DSE: variants seen among roughly 807,000 people sequenced by gnomAD.
The protein encoded by DSE is dermatan sulfate epimerase.
Under a neutral mutation model 84.4 loss-of-function variants are expected in DSE, and 36 were observed. The ratio of observed to expected loss-of-function variants is 0.43; its 90% CI spans 0.33 to 0.56. The LOEUF (loss-of-function observed/expected upper bound fraction) is 0.56. DSE is among the 20% of genes least tolerant of loss of function. The pLI, the probability that DSE is intolerant of heterozygous loss-of-function variation, is 0.06. For synonymous variants in DSE, 410 were observed against 430.1 expected, an observed-to-expected ratio of 0.95 and a Z score of 0.58; for missense variants, 862 against 1,169.6, an observed-to-expected ratio of 0.74 and a Z score of 3.84.
In DSE at chr6:116,444,696, C is replaced by G. The variant is rs1784529983; in HGVS notation, c.*7351C>G. On this transcript the variant is annotated 3_prime_UTR_variant, in exon 6 of 6. Transcript: ENST00000644252. ...GAGTAGTATCCTTATAAAAGATACC[C>G]CAGAGAGGTCCCTTGTCCCTTCCAA... The G allele has an allele frequency of 6.6e-6, 1 of 152,120 alleles. No homozygotes were observed. The highest frequency in any genetic ancestry group is 1.5e-5 in the Non-Finnish European group (1 of 68,024). The allele number at this position is 152,120 out of a possible 1,614,324, so 9.4% of individuals were successfully genotyped here.
At chr6:116,283,734 G>A (rs1480046199) in intron 2 of DSE, among the ~76,000 whole-genome samples, 1 of 152,056 alleles carries the variant, frequency 6.6e-6, no homozygotes, top group African/African-American at 2.4e-5. Context: ...AGTAGAGAAG[G>A]GGTTTCCCCA....
At chr6:116,270,138 A>G (rs915688033) in intron 2 of DSE, among the ~76,000 whole-genome samples, 1 of 152,184 alleles carries the variant, frequency 6.6e-6, no homozygotes, top group Admixed American at 6.5e-5. Context: ...TAAACATTCT[A>G]TTTCTGGGAG....
intron 2 of DSE, among the ~76,000 whole-genome samples, chr6:116,343,086 G>A (rs563445530): frequency 6.6e-6 from 1 of 152,304 alleles, no homozygotes; most frequent in Non-Finnish European, 1.5e-5. Flanking sequence ...AGGTGGCAGT[G>A]AGGCTGCGGG....
At chr6:116,335,474 T>A (rs1444838957) in intron 2 of DSE, among the ~76,000 whole-genome samples, 1 of 152,176 alleles carries the variant, frequency 6.6e-6, no homozygotes, top group Non-Finnish European at 1.5e-5. Context: ...CAAACCCCCA[T>A]GACATGTTTA....
At chr6:116,322,150 C>G (rs949693687) in intron 2 of DSE, among the ~76,000 whole-genome samples, 4 of 152,078 alleles carry the variant, frequency 2.6e-5, no homozygotes, top group Non-Finnish European at 5.9e-5. Flanking sequence ...GCTACATGTA[C>G]TGGTAATTAG....
rs1784422488 is a variant in DSE, at chr6:116,441,421, CT to C, written c.*4077del. On this transcript the variant is annotated 3_prime_UTR_variant, in exon 6 of 6. Coordinates refer to ENST00000644252, the MANE Select transcript of DSE (RefSeq NM_013352.4). ...AACAATAAATTATCTGTCCCTTCCCCTCTCATTCTTAGTTTGTACTTCCCAG... is the reference window on the plus strand; with the variant it reads ...AACAATAAATTATCTGTCCCTTCCCCCTCATTCTTAGTTTGTACTTCCCAG... 1 of 152,162 alleles carries C rather than the reference CT, an allele frequency of 6.6e-6. No individual in the cohort carries two copies. Among genetic ancestry groups the C allele is most frequent in the African/African-American group, 2.4e-5 (1 of 41,432 alleles). 9.4% of individuals were successfully genotyped at this position (152,162 alleles called of 1,614,324 possible).
At chr6:116,325,256 C>G (rs1776552590) in intron 2 of DSE, among the ~76,000 whole-genome samples, 2 of 152,174 alleles carry the variant, frequency 1.3e-5, no homozygotes, top group Admixed American at 6.5e-5. Flanking sequence ...GTCCCAAGAC[C>G]TCACTTTCAG....
chr6:116,441,520 C>T lies in DSE; in HGVS notation c.*4175C>T, dbSNP rs1384230103. 3 of 152,116 alleles carry T rather than the reference C, an allele frequency of 2.0e-5. No homozygotes were observed. In the East Asian group the frequency reaches 5.8e-4, roughly 29 times the overall value. 9.4% of individuals were successfully genotyped at this position (152,116 alleles called of 1,614,324 possible). A position where few individuals can be genotyped will look rare whatever the true frequency, so the allele number is the denominator to read the frequency against. On this transcript the variant is annotated 3_prime_UTR_variant, in exon 6 of 6. Transcript: ENST00000644252. ...TGTTTACAATAAGGTCTAAAACTGC[C>T]TACTAATGAAGCTTTAGCTCTCTTA...
At position 116,404,834 on chromosome 6, in the gene DSE, A is replaced by G. The variant is rs537132759; in HGVS notation, c.416+5168A>G. ...TGTGACTCTTTAGTTCTCTCTTTAT[A>G]GTATTTTTCCTTACTTATCATCAGA... On this transcript the variant is annotated intron_variant, in intron 2 of 5. Transcript: ENST00000644252. 3.3e-5 allele frequency among the ~76,000 whole-genome samples: 5 copies of G among 152,306 alleles called. No individual in the cohort carries two copies. In the East Asian group the frequency reaches 9.6e-4, roughly 29 times the overall value.
At chr6:116,293,700 A>C (rs1405768578) in intron 2 of DSE, among the ~76,000 whole-genome samples, 1 of 152,076 alleles carries the variant, frequency 6.6e-6, no homozygotes. Flanking sequence ...TCAGGAGTTC[A>C]AGATCAGCCT....
upstream of DSE, chr6:116,366,683 C>A (rs2114896871): frequency 6.6e-6 from 1 of 152,280 alleles, no homozygotes; most frequent in South Asian, 2.1e-4. Flanking sequence ...GTAAATGAGG[C>A]TTTAGACACA....
intron 2 of DSE, among the ~76,000 whole-genome samples, chr6:116,274,455 G>A (rs945300945): frequency 1.3e-5 from 2 of 151,818 alleles, no homozygotes; most frequent in Admixed American, 6.6e-5. Flanking sequence ...CCCAGCTACT[G>A]GGGAGGCTGA....
At chr6:116,337,439 G>A (rs2501054) in intron 2 of DSE, among the ~76,000 whole-genome samples, 3,378 of 152,178 alleles carry the variant, frequency 0.022, 134 homozygotes, top group African/African-American at 0.078. Context: ...GTGAAACACC[G>A]TCTCTACTAA....
rs371860778 is a variant in DSE, at chr6:116,279,147, G to C, written c.-54+20180G>C. On this transcript the variant is annotated intron_variant, in intron 2 of 3. Transcript: ENST00000430252. ...GCTGGATGGCCTCCAGAGGGTCCAT[G>C]CGGAGAGCCTCATGCAAAGGCCAGG... 5 of 1,613,868 alleles carry C rather than the reference G, an allele frequency of 3.1e-6. No homozygotes were observed. The African/African-American group carries it at 6.7e-5, about 22-fold the overall frequency.
chr6:116,288,301 G>A lies in DSE; in HGVS notation c.-54+29334G>A, dbSNP rs1774057647. 3 of 152,228 alleles carry A rather than the reference G, an allele frequency of 2.0e-5. No individual in the cohort carries two copies. In the South Asian group the frequency reaches 6.2e-4, roughly 32 times the overall value. The allele number at this position is 152,228 out of a possible 1,614,324, so 9.4% of individuals were successfully genotyped here. On this transcript the variant is annotated intron_variant, in intron 2 of 3. Coordinates refer to the DSE transcript ENST00000430252. ...TACTATAAGCTTTCAATGAATAGAA[G>A]ATGGTAATATTATTTGTATTATGCT...
At chr6:116,424,551 C>T (rs1227075178) in intron 2 of DSE, among the ~76,000 whole-genome samples, 1 of 152,036 alleles carries the variant, frequency 6.6e-6, no homozygotes, top group African/African-American at 2.4e-5. Context: ...TTTGTTCCTT[C>T]ACTTTTTCCT....
chr6:116,442,204 G>A lies in DSE; in HGVS notation c.*4859G>A, dbSNP rs983243569. 3.9e-5 allele frequency: 6 copies of A among 152,470 alleles called. No homozygotes were observed. Among genetic ancestry groups the A allele is most frequent in the African/African-American group, 1.4e-4 (6 of 41,434 alleles). 9.4% of individuals were successfully genotyped at this position (152,470 alleles called of 1,614,324 possible). The stretch of plus-strand genomic sequence containing the variant: ...TGGTGTATTTAGGACTAGGAGGCCA[G>A]TGTGGCTAGAGCAGAGTGGGGGAGG... On this transcript the variant is annotated 3_prime_UTR_variant, in exon 6 of 6. Transcript: ENST00000644252.
chr6:116,283,354 T>C (rs1773659956), intron 2 of DSE, among the ~76,000 whole-genome samples: 1 of 152,230 alleles, frequency 6.6e-6, no homozygotes, highest in African/African-American at 2.4e-5. Context: ...TTTTATGAGC[T>C]GCACCATGCA....
intron 2 of DSE, among the ~76,000 whole-genome samples, chr6:116,405,653 C>T (rs1411006489): frequency 6.6e-6 from 1 of 152,160 alleles, no homozygotes; most frequent in Admixed American, 6.5e-5. Flanking sequence ...TTACAACGAT[C>T]AAATTATTTA....
Sources: gnomAD v4.1 joint callset for allele counts (sites outside exome capture counted in the v4.1 genomes callset) on GRCh38, gnomAD v4.1.1 for gene constraint, MANE v1.5 for transcripts, NCBI Gene and HGNC (gene_info 2026-07-23, HGNC 2026-07-21) for gene names.